Variants in FAIM2 observed in about 807,000 individuals in gnomAD.
FAIM2 encodes the protein protein lifeguard 2.
A neutral mutation model predicts 47.4 loss-of-function variants in FAIM2; 27 were observed. That is an observed-to-expected ratio of 0.57 (90% CI 0.42 to 0.78). The LOEUF is 0.78. FAIM2 is among the 30% of genes least tolerant of loss of function. FAIM2 has a pLI of 0.00. For synonymous variants in FAIM2, 156 were observed against 159.3 expected, an observed-to-expected ratio of 0.98 and a Z score of 0.16; for missense variants, 311 against 389.4, an observed-to-expected ratio of 0.80 and a Z score of 1.69.
intron 10 of FAIM2, among the ~76,000 whole-genome samples, chr12:49,887,649 T>G (rs1946871234): frequency 6.6e-6 from 1 of 151,734 alleles, no homozygotes; most frequent in African/African-American, 2.4e-5. Context: ...CTGGTGGGAC[T>G]GGTGGGAGAA....
Position 49,869,491 on chromosome 12 carries a change from G to C in FAIM2, c.*1013C>G, listed in dbSNP as rs1223307525. 1 of 152,772 alleles carries C rather than the reference G, an allele frequency of 6.5e-6. No individual in the cohort carries two copies. The highest frequency in any genetic ancestry group is 1.5e-5 in the Non-Finnish European group (1 of 68,320). 9.5% of individuals were successfully genotyped at this position (152,772 alleles called of 1,614,324 possible). ...ACAGGAAGGGTTTAGGAAATAAGAG[G>C]TGCAGAAGGGACTCCCACACAGCCT... On this transcript the variant is annotated 3_prime_UTR_variant, in exon 12 of 12. Transcript: ENST00000320634.
intron 2 of FAIM2, among the ~76,000 whole-genome samples, chr12:49,899,020 G>A (rs553838506): frequency 3.3e-5 from 5 of 152,238 alleles, no homozygotes; most frequent in African/African-American, 9.6e-5. Context: ...TGAGGCTTTT[G>A]GAAGAGCATG....
At chr12:49,871,202 A>G (rs933876076) in intron 11 of FAIM2, among the ~76,000 whole-genome samples, 1 of 152,212 alleles carries the variant, frequency 6.6e-6, no homozygotes, top group Non-Finnish European at 1.5e-5. Flanking sequence ...TTCTTCCTAC[A>G]GGAAGCGAGG....
chr12:49,889,657 C>G (rs1317900998), intron 8 of FAIM2, 89 bp from the exon 9 acceptor site: 1 of 1,109,792 alleles, frequency 9.0e-7, no homozygotes, highest in Non-Finnish European at 1.4e-6. Context: ...TCTGCCAGGA[C>G]CTGGTCTTGG....
chr12:49,896,609 T>C (rs980055346), intron 5 of FAIM2, among the ~76,000 whole-genome samples: 1 of 152,262 alleles, frequency 6.6e-6, no homozygotes, highest in Admixed American at 6.5e-5. Context: ...CCAGCCCTTA[T>C]TAAGCACTCT....
chr12:49,880,717 C>T (rs60942395), intron 11 of FAIM2, among the ~76,000 whole-genome samples: 2,546 of 57,278 alleles, frequency 0.044, 72 homozygotes, highest in African/African-American at 0.18. Flanking sequence ...TGTGTACATG[C>T]GTGTATATGT....
At chr12:49,890,228 C>T (rs1946890702) in intron 7 of FAIM2, 74 bp from the exon 8 acceptor site, 1 of 1,367,562 alleles carries the variant, frequency 7.3e-7, no homozygotes, top group Non-Finnish European at 1.0e-6. Context: ...AGGTCCAGCT[C>T]AGGTCTCCAC....
chr12:49,873,707 A>G (rs1946717714), intron 11 of FAIM2, among the ~76,000 whole-genome samples: 1 of 152,162 alleles, frequency 6.6e-6, no homozygotes, highest in South Asian at 2.1e-4. Flanking sequence ...GAGAAGAGGA[A>G]TGAAATGATT....
chr12:49,878,477 CAT>C (rs149596227), intron 11 of FAIM2, among the ~76,000 whole-genome samples: 50,150 of 122,596 alleles, frequency 0.41, 15,205 homozygotes, highest in South Asian at 0.54. Flanking sequence ...TGTGTGTGTG[CAT>C]GTGTGTATAT....
intron 5 of FAIM2, among the ~76,000 whole-genome samples, chr12:49,893,134 G>A (rs895272369): frequency 9.2e-5 from 14 of 152,166 alleles, no homozygotes; most frequent in African/African-American, 3.4e-4. Flanking sequence ...CCTCCATGCT[G>A]CAGGCAGATC....
intron 11 of FAIM2, among the ~76,000 whole-genome samples, chr12:49,876,045 T>C (rs1423727399): frequency 6.6e-6 from 1 of 152,162 alleles, no homozygotes; most frequent in Non-Finnish European, 1.5e-5. Flanking sequence ...AAATATTTTG[T>C]ATGAAAGAGC....
chr12:49,882,048 T>G (rs1371588507), intron 11 of FAIM2, among the ~76,000 whole-genome samples: 1 of 151,840 alleles, frequency 6.6e-6, no homozygotes, highest in Non-Finnish European at 1.5e-5. Context: ...GAGGGGAGGG[T>G]CCCCCTGGGG....
chr12:49,890,758 G>T (rs374982539), intron 6 of FAIM2, 36 bp from the exon 7 acceptor site: 83 of 1,605,544 alleles, frequency 5.2e-5, no homozygotes, highest in Non-Finnish European at 6.6e-5. Context: ...GGGATCGTAG[G>T]GGGTGGGGGC....
At position 49,880,805 on chromosome 12, in the gene FAIM2, T is replaced by C. The variant is rs374234435; in HGVS notation, c.801+6581A>G. 1.8e-4 allele frequency among the ~76,000 whole-genome samples: 28 copies of C among 152,154 alleles called. 3 individuals carry two copies. Among genetic ancestry groups the C allele is most frequent in the Admixed American group, 9.2e-4 (14 of 15,280 alleles). On this transcript the variant is annotated intron_variant, in intron 11 of 11. Transcript: ENST00000320634. ...GTGTGTATGTATATGTGTTTGTGCA[T>C]GTGGCTATGTGTGTATATGTGAGTT...
intron 10 of FAIM2, among the ~76,000 whole-genome samples, chr12:49,888,542 C>T (rs1946877037): frequency 6.6e-6 from 1 of 152,158 alleles, no homozygotes; most frequent in Non-Finnish European, 1.5e-5. Context: ...CATGCAGGGG[C>T]CTGGGTGCCT....
At chr12:49,894,608 A>G (rs1433745256) in intron 5 of FAIM2, among the ~76,000 whole-genome samples, 4 of 152,232 alleles carry the variant, frequency 2.6e-5, no homozygotes, top group African/African-American at 9.6e-5. Context: ...GTCTGTTTAC[A>G]GAATGTCAGG....
At chr12:49,884,998 C>T (rs1946851757) in intron 11 of FAIM2, among the ~76,000 whole-genome samples, 2 of 152,222 alleles carry the variant, frequency 1.3e-5, no homozygotes, top group African/African-American at 4.8e-5. Context: ...TGTGCCAGCC[C>T]GTTAACACCC....
intron 11 of FAIM2, among the ~76,000 whole-genome samples, chr12:49,880,533 CGTGT>C (rs575126224): frequency 0.013 from 1,241 of 97,810 alleles, 12 homozygotes; most frequent in African/African-American, 0.05. Context: ...TGTATATGTG[CGTGT>C]GTATGTATGC....
intron 5 of FAIM2, among the ~76,000 whole-genome samples, chr12:49,894,560 A>C (rs1392786052): frequency 6.6e-6 from 1 of 152,190 alleles, no homozygotes; most frequent in African/African-American, 2.4e-5. Context: ...TGATTTATGC[A>C]TCAGAGCCCC....
Sources: allele counts gnomAD v4.1 joint callset (sites outside exome capture counted in the v4.1 genomes callset), GRCh38; gene constraint gnomAD v4.1.1; transcripts MANE v1.5; gene names NCBI Gene and HGNC (gene_info 2026-07-23, HGNC 2026-07-21).